BNC2: variants seen among roughly 807,000 people sequenced by gnomAD.
The protein encoded by BNC2 is basonuclin zinc finger protein 2, also known as zinc finger protein basonuclin-2.
A neutral mutation model predicts 76.3 loss-of-function variants in BNC2; 20 were observed. The observed-to-expected ratio is 0.26, with a 90% CI of 0.18 to 0.38. The LOEUF (loss-of-function observed/expected upper bound fraction) is 0.38. Among genes scored for constraint, BNC2 ranks in the 10% least tolerant of loss-of-function variants. BNC2 has a pLI of 1.00. For synonymous variants in BNC2, 582 were observed against 514.8 expected (o/e 1.13, Z -1.77); for missense variants, 1,382 against 1,399.8 (o/e 0.99, Z 0.20).
chr9:16,769,071 G>A (rs900333263), intron 1 of BNC2, among the ~76,000 whole-genome samples: 6 of 152,136 alleles, frequency 3.9e-5, no homozygotes, highest in Admixed American at 2.0e-4. Flanking sequence ...AGAAAGCAAC[G>A]GGTCTTCTGT....
rs765133959 is a variant in BNC2 at position 16,437,151 on chromosome 9, GGTT to G, written c.1040_1042del (p.Gln347del). 6.2e-7 allele frequency: 1 copy of G among 1,614,158 alleles called. No individual in the cohort carries two copies. The highest frequency in any genetic ancestry group is 1.1e-5 in the South Asian group (1 of 91,080). ...GCTGGGTTCCCGCAGCCTCAACCCT[GGTT>G]GCTCTAACAGTAGCCCATTTGGAGG... On this transcript the variant is annotated inframe_deletion, in exon 6 of 7. Transcript: ENST00000380672.
intron 3 of BNC2, chr9:16,665,201 T>G: frequency 2.5e-6 from 1 of 392,594 alleles, no homozygotes; most frequent in Non-Finnish European, 4.9e-6. Context: ...AAATCCTGTT[T>G]CTACTAAAAA....
chr9:16,835,754 T>C (rs138070160), intron 1 of BNC2, among the ~76,000 whole-genome samples: 59 of 152,350 alleles, frequency 3.9e-4, no homozygotes, highest in African/African-American at 1.3e-3. Context: ...AAAACTATTG[T>C]GTGCAAGGCA....
intron 3 of BNC2, among the ~76,000 whole-genome samples, chr9:16,687,279 G>T (rs1366850117): frequency 6.6e-6 from 1 of 152,050 alleles, no homozygotes; most frequent in Non-Finnish European, 1.5e-5. Context: ...TCATATGAAA[G>T]AAATTACAAA....
intron 1 of BNC2, among the ~76,000 whole-genome samples, chr9:16,756,102 C>T (rs1825378114): frequency 6.6e-6 from 1 of 152,188 alleles, no homozygotes; most frequent in African/African-American, 2.4e-5. Context: ...CTTTGTCTCT[C>T]AAAGGGATGA....
At position 16,410,699 on chromosome 9, in the gene BNC2, CA is replaced by C. The variant is rs1820441341; in HGVS notation, c.*8289del. 1 of 152,270 alleles carries C rather than the reference CA, an allele frequency of 6.6e-6. No individual in the cohort carries two copies. The highest frequency in any genetic ancestry group is 6.5e-5 in the Admixed American group (1 of 15,276). The allele number at this position is 152,270 out of a possible 1,614,324, so 9.4% of individuals were successfully genotyped here. A position where few individuals can be genotyped will look rare whatever the true frequency, so the allele number is the denominator to read the frequency against. On this transcript the variant is annotated 3_prime_UTR_variant, in exon 7 of 7. Transcript: ENST00000380672. ...GGAGGGCGTGTTCTACCTTCTTGCT[CA>C]AACATGATTTATTTTTTAAGGGGGG...
chr9:16,546,070 T>C (rs1302897931), intron 5 of BNC2, among the ~76,000 whole-genome samples: 1 of 152,238 alleles, frequency 6.6e-6, no homozygotes, highest in African/African-American at 2.4e-5. Context: ...TTTTAAACAT[T>C]TGGCATTGGT....
At chr9:16,859,502 T>C (rs1341061877) in intron 1 of BNC2, among the ~76,000 whole-genome samples, 1 of 152,212 alleles carries the variant, frequency 6.6e-6, no homozygotes, top group Non-Finnish European at 1.5e-5. Context: ...TATGATGAAA[T>C]ATTATTTAGC....
chr9:16,700,625 G>A (rs370839540), intron 3 of BNC2, among the ~76,000 whole-genome samples: 15 of 151,994 alleles, frequency 9.9e-5, no homozygotes, highest in East Asian at 3.9e-4. Context: ...TTTTTTTTGC[G>A]GTGGTATTTA....
At chr9:16,846,310 T>A (rs1464443162) in intron 1 of BNC2, among the ~76,000 whole-genome samples, 1 of 152,212 alleles carries the variant, frequency 6.6e-6, no homozygotes, top group Non-Finnish European at 1.5e-5. Context: ...TAAACCATTA[T>A]CAATAACAGA....
At position 16,693,079 on chromosome 9, in the gene BNC2, G is replaced by A. The variant is rs183151762; in HGVS notation, c.330+34718C>T. On this transcript the variant is annotated intron_variant, in intron 3 of 6. Coordinates refer to ENST00000380672, the MANE Select transcript of BNC2 (RefSeq NM_017637.6). ...TGGGAGGCAGAGGTTGCAGTGAGCC[G>A]AGATCTCACCACTGCACTCCAGCCT... 4.0e-3 allele frequency among the ~76,000 whole-genome samples: 495 copies of A among 123,750 alleles called. 1 individual carries two copies. The highest frequency in any genetic ancestry group is 8.1e-3 in the Middle Eastern group (1 of 124). 81.2% of individuals were successfully genotyped at this position (123,750 alleles called of 152,430 possible).
chr9:16,660,691 T>C (rs1822086235), intron 3 of BNC2, among the ~76,000 whole-genome samples: 1 of 152,102 alleles, frequency 6.6e-6, no homozygotes, highest in Non-Finnish European at 1.5e-5. Flanking sequence ...ATAGGCCCTC[T>C]GTATCTGTGG....
chr9:16,853,331 G>T (rs1390073509), intron 1 of BNC2, among the ~76,000 whole-genome samples: 2 of 151,334 alleles, frequency 1.3e-5, no homozygotes, highest in Non-Finnish European at 2.9e-5. Flanking sequence ...CCTGAGCCCA[G>T]GGAGGTCGAG....
At position 16,788,426 on chromosome 9, in the gene BNC2, T is replaced by G. The variant is rs547713441; in HGVS notation, c.4-49941A>C. Among the ~76,000 whole-genome samples the G allele has an allele frequency of 1.4e-4, 21 of 151,658 alleles. 1 individual carries two copies. Among genetic ancestry groups the G allele is most frequent in the Middle Eastern group, 6.8e-3 (2 of 294 alleles). On this transcript the variant is annotated intron_variant, in intron 1 of 6. Transcript: ENST00000380672. The stretch of plus-strand genomic sequence containing the variant: ...AAATTAGCCGGGCGTGGTGGTAGGC[T>G]CCTGTAATTCCAGCTACTCGGGAGG...
chr9:16,556,827 G>A (rs1818849607), intron 4 of BNC2, among the ~76,000 whole-genome samples: 1 of 150,666 alleles, frequency 6.6e-6, no homozygotes, highest in Non-Finnish European at 1.5e-5. Context: ...TATCATCAAA[G>A]ATTATGATCT....
chr9:16,565,548 TG>T (rs1819142821), intron 4 of BNC2, among the ~76,000 whole-genome samples: 1 of 152,164 alleles, frequency 6.6e-6, no homozygotes, highest in Non-Finnish European at 1.5e-5. Context: ...CAGTGGCTCA[TG>T]CCTGTAATCC....
At chr9:16,725,345 TAA>T (rs1369108727) in intron 3 of BNC2, among the ~76,000 whole-genome samples, 2 of 150,370 alleles carry the variant, frequency 1.3e-5, no homozygotes, top group African/African-American at 2.5e-5. Flanking sequence ...AGTTTGAACT[TAA>T]GTTATGTAAT....
chr9:16,761,316 T>C (rs536321732), intron 1 of BNC2, among the ~76,000 whole-genome samples: 1 of 152,286 alleles, frequency 6.6e-6, no homozygotes, highest in East Asian at 1.9e-4. Context: ...ATTTCTGGTA[T>C]AGAGGTAGCA....
intron 1 of BNC2, among the ~76,000 whole-genome samples, chr9:16,816,757 C>A (rs3936215): frequency 6.6e-6 from 1 of 151,978 alleles, no homozygotes; most frequent in African/African-American, 2.4e-5. Flanking sequence ...CTACTCCAAA[C>A]TGGGAGGCTC....
Sources: allele counts gnomAD v4.1 joint callset (sites outside exome capture counted in the v4.1 genomes callset), GRCh38; gene constraint gnomAD v4.1.1; transcripts MANE v1.5; gene names NCBI Gene and HGNC (gene_info 2026-07-23, HGNC 2026-07-21).